RORA: variants seen among roughly 807,000 people sequenced by gnomAD.
RORA encodes the protein nuclear receptor ROR-alpha.
A neutral mutation model predicts 69.5 loss-of-function variants in RORA; 7 were observed. The ratio of observed to expected loss-of-function variants is 0.10; its 90% CI spans 0.06 to 0.19. The LOEUF (loss-of-function observed/expected upper bound fraction) is 0.19. Ranked by LOEUF, RORA falls within the 10% of genes least tolerant of loss-of-function variation. The probability of loss-of-function intolerance (pLI) is 1.00; values close to 1 mark genes in which losing one functional copy is unlikely to be tolerated. For missense variants in RORA, 457 were observed against 663.0 expected (o/e 0.69, Z 3.41); for synonymous variants, 261 against 240.8 (o/e 1.08, Z -0.78).
intron 1 of RORA, among the ~76,000 whole-genome samples, chr15:61,068,173 G>A (rs539909081): frequency 6.6e-6 from 1 of 152,274 alleles, no homozygotes; most frequent in Non-Finnish European, 1.5e-5. Context: ...CATAGGTTTG[G>A]TTCATATGGA....
intron 1 of RORA, among the ~76,000 whole-genome samples, chr15:60,773,646 G>A (rs2140883619): frequency 6.6e-6 from 1 of 152,322 alleles, no homozygotes; most frequent in African/African-American, 2.4e-5. Context: ...GTAAAGTGAT[G>A]AGACCTAGAA....
At chr15:60,916,724 AGC>A (rs1351943823) in intron 1 of RORA, among the ~76,000 whole-genome samples, 2 of 152,186 alleles carry the variant, frequency 1.3e-5, no homozygotes, top group Non-Finnish European at 2.9e-5. Context: ...TATTTTTTAA[AGC>A]CCCTCTTGAC....
intron 1 of RORA, among the ~76,000 whole-genome samples, chr15:60,700,627 C>T (rs1016572270): frequency 3.3e-5 from 5 of 150,650 alleles, no homozygotes; most frequent in African/African-American, 9.9e-5. Context: ...AACGTTTCCC[C>T]AACAAAATGC....
At chr15:60,719,365 T>C (rs945710098) in intron 1 of RORA, among the ~76,000 whole-genome samples, 1 of 152,126 alleles carries the variant, frequency 6.6e-6, no homozygotes, top group Non-Finnish European at 1.5e-5. Context: ...ATGTTGATGG[T>C]CATTGAAGCT....
At chr15:60,819,767 A>ACGCG (rs1555455770) in intron 1 of RORA, among the ~76,000 whole-genome samples, 1 of 147,532 alleles carries the variant, frequency 6.8e-6, no homozygotes, top group Non-Finnish European at 1.5e-5. Flanking sequence ...ACACACACAC[A>ACGCG]CACACACACA....
At chr15:60,547,324 CTT>C (rs368737897) in intron 2 of RORA, among the ~76,000 whole-genome samples, 12 of 136,774 alleles carry the variant, frequency 8.8e-5, no homozygotes, top group African/African-American at 1.1e-4. Context: ...CCCTCTCCTC[CTT>C]TTTTTTTTTT....
At chr15:60,685,958 C>T (rs1176511537) in intron 1 of RORA, among the ~76,000 whole-genome samples, 4 of 152,048 alleles carry the variant, frequency 2.6e-5, no homozygotes, top group Non-Finnish European at 4.4e-5. Context: ...TATTTCAGCT[C>T]TTTTACCAAC....
intron 1 of RORA, among the ~76,000 whole-genome samples, chr15:60,868,708 A>T (rs891200273): frequency 3.9e-5 from 6 of 152,266 alleles, no homozygotes; most frequent in Non-Finnish European, 8.8e-5. Flanking sequence ...CTGGGAGAAA[A>T]AAAGGATTCT....
intron 9 of RORA, 115 bp from the exon 10 acceptor site, chr15:60,500,119 G>A: frequency 1.6e-6 from 1 of 639,106 alleles, no homozygotes; most frequent in South Asian, 2.1e-5. Flanking sequence ...TAGAGACTCA[G>A]AGGCCAGTTT....
chr15:60,660,524 C>G (rs2070288250), intron 2 of RORA, among the ~76,000 whole-genome samples: 2 of 152,152 alleles, frequency 1.3e-5, no homozygotes, highest in Admixed American at 6.5e-5. Context: ...GTAGTTTCAC[C>G]TGCACCTTAA....
At chr15:60,633,261 AAGG>A (rs2140657296) in intron 2 of RORA, among the ~76,000 whole-genome samples, 1 of 152,326 alleles carries the variant, frequency 6.6e-6, no homozygotes, top group East Asian at 1.9e-4. Context: ...GCAGTAAAGG[AAGG>A]AGAAGGTGAA....
chr15:60,991,654 T>G (rs1179676207), intron 1 of RORA, among the ~76,000 whole-genome samples: 1 of 152,058 alleles, frequency 6.6e-6, no homozygotes, highest in African/African-American at 2.4e-5. Flanking sequence ...TCCCAGCACT[T>G]TCGGAGGCTG....
intron 2 of RORA, among the ~76,000 whole-genome samples, chr15:60,625,834 C>T (rs2069561490): frequency 6.6e-6 from 1 of 152,214 alleles, no homozygotes; most frequent in South Asian, 2.1e-4. Flanking sequence ...GCTTACACCT[C>T]TAACTTTACA....
At chr15:61,025,243 G>A (rs1362697422) in intron 1 of RORA, among the ~76,000 whole-genome samples, 2 of 152,150 alleles carry the variant, frequency 1.3e-5, no homozygotes, top group African/African-American at 4.8e-5. Context: ...TTCTCCACAG[G>A]CTTCTCAAAT....
intron 1 of RORA, among the ~76,000 whole-genome samples, chr15:60,916,675 G>T (rs907616895): frequency 1.1e-4 from 17 of 152,246 alleles, no homozygotes; most frequent in African/African-American, 3.1e-4. Flanking sequence ...AATCAGAAAA[G>T]GTGATAGGTG....
At chr15:61,048,371 G>A (rs966637451) in intron 1 of RORA, among the ~76,000 whole-genome samples, 1 of 152,176 alleles carries the variant, frequency 6.6e-6, no homozygotes, top group African/African-American at 2.4e-5. Context: ...AGTGAGCCAG[G>A]CCTTCTGAGG....
chr15:60,924,501 G>A (rs896988242), intron 1 of RORA, among the ~76,000 whole-genome samples: 11 of 150,810 alleles, frequency 7.3e-5, no homozygotes, highest in Admixed American at 6.6e-4. Flanking sequence ...TATTTCTTAC[G>A]TGCCTGTAAT....
intron 1 of RORA, among the ~76,000 whole-genome samples, chr15:60,863,684 T>G (rs955235836): frequency 6.6e-6 from 1 of 152,236 alleles, no homozygotes; most frequent in Non-Finnish European, 1.5e-5. Flanking sequence ...GTAATGCAGT[T>G]AAACTGTTTA....
At chr15:60,879,769 T>A (rs1162850817) in intron 1 of RORA, among the ~76,000 whole-genome samples, 1 of 152,200 alleles carries the variant, frequency 6.6e-6, no homozygotes, top group Admixed American at 6.5e-5. Flanking sequence ...TTCTGGAAAT[T>A]CCACTATATT....
Sources: allele counts gnomAD v4.1 joint callset (sites outside exome capture counted in the v4.1 genomes callset), GRCh38; gene constraint gnomAD v4.1.1; transcripts MANE v1.5; gene names NCBI Gene and HGNC (gene_info 2026-07-23, HGNC 2026-07-21).